Variants in ZNF106 observed in about 807,000 individuals in gnomAD.
ZNF106 encodes zinc finger protein 106, also known as SH3-domain binding protein 3.
ZNF106 carries 67 observed loss-of-function variants against 195.1 expected under a neutral mutation model. The observed-to-expected ratio is 0.34, with a 90% CI of 0.28 to 0.42. The LOEUF (loss-of-function observed/expected upper bound fraction) is 0.42. ZNF106 is among the 10% of genes least tolerant of loss of function. The pLI is 1.00. For synonymous variants in ZNF106, 784 were observed against 818.6 expected, an observed-to-expected ratio of 0.96 and a Z score of 0.72; for missense variants, 2,118 against 2,304.5, an observed-to-expected ratio of 0.92 and a Z score of 1.66.
chr15:42,435,563 A>G, intron 13 of ZNF106, 45 bp from the exon 14 acceptor site: 2 of 1,608,986 alleles, frequency 1.2e-6, no homozygotes, highest in South Asian at 1.1e-5. Flanking sequence ...GAGATATAGG[A>G]GGATTAGATA....
At chr15:42,459,645 T>G (rs897692914) in intron 3 of ZNF106, among the ~76,000 whole-genome samples, 1 of 152,150 alleles carries the variant, frequency 6.6e-6, no homozygotes, top group Non-Finnish European at 1.5e-5. Flanking sequence ...TATATAAATC[T>G]ATCACAATGG....
At chr15:42,442,716 A>G (rs2055602049) in intron 9 of ZNF106, among the ~76,000 whole-genome samples, 1 of 150,818 alleles carries the variant, frequency 6.6e-6, no homozygotes, top group Non-Finnish European at 1.5e-5. Flanking sequence ...TCCTGGACTC[A>G]AGCAATTCTC....
intron 3 of ZNF106, among the ~76,000 whole-genome samples, chr15:42,461,998 T>C (rs902201570): frequency 6.6e-6 from 1 of 152,200 alleles, no homozygotes; most frequent in African/African-American, 2.4e-5. Flanking sequence ...CTCTCTTATA[T>C]GTAACATGAT....
chr15:42,441,048 T>C (rs1452676266), intron 10 of ZNF106, among the ~76,000 whole-genome samples: 1 of 97,278 alleles, frequency 1.0e-5, no homozygotes. Flanking sequence ...TATATATATA[T>C]GCTAAGTCAC....
intron 1 of ZNF106, among the ~76,000 whole-genome samples, chr15:42,487,304 A>T (rs2057038485): frequency 6.6e-6 from 1 of 151,872 alleles, no homozygotes; most frequent in Admixed American, 6.6e-5. Flanking sequence ...TGACACAGTG[A>T]GACCTCCTCT....
Position 42,450,731 on chromosome 15 carries a change from T to C in ZNF106, c.1541A>G (p.Asn514Ser). Residue 514 changes from asparagine to serine, a missense_variant, in exon 5 of 22, where the codon AAC becomes AGC. Transcript: ENST00000564754. Reference sequence around the variant, plus strand: ...ATGGTTATCTTCCACAGTGGGCTTGTTCGAGGGATTTGAGTGTTCTCCAGG... The same window carrying C: ...ATGGTTATCTTCCACAGTGGGCTTGCTCGAGGGATTTGAGTGTTCTCCAGG... ...FSPGEHSNPS[N>S]KPTVEDNHGP... 1 of 1,614,214 alleles carries C rather than the reference T, an allele frequency of 6.2e-7. No individual in the cohort carries two copies. The highest frequency in any genetic ancestry group is 8.5e-7 in the Non-Finnish European group (1 of 1,180,034).
intron 4 of ZNF106, among the ~76,000 whole-genome samples, chr15:42,454,502 G>A (rs1567020859): frequency 6.6e-6 from 1 of 151,874 alleles, no homozygotes; most frequent in East Asian, 1.9e-4. Flanking sequence ...GAAGATAGGA[G>A]CATTCAGCTA....
chr15:42,479,216 A>G (rs1454483241), intron 1 of ZNF106, among the ~76,000 whole-genome samples: 1 of 151,980 alleles, frequency 6.6e-6, no homozygotes, highest in African/African-American at 2.4e-5. Flanking sequence ...TCTACTAAAA[A>G]CACAAAAATT....
In ZNF106 at chr15:42,451,327, G is replaced by A. The variant is rs2056020242; in HGVS notation, c.945C>T (p.Ala315=). 1 of 1,613,820 alleles carries A rather than the reference G, an allele frequency of 6.2e-7. No homozygotes were observed. Among genetic ancestry groups the A allele is most frequent in the Admixed American group, 1.7e-5 (1 of 59,986 alleles). ...RQENDKLGTV[A]TYRGPSEGFT... is the part of the protein sequence containing the mutation. ...ATCCTTCAGAAGGACCTCTATATGT[G>A]GCAACTGTACCAAGTTTGTCATTTT... Residue 315 remains alanine (A), a synonymous_variant, in exon 5 of 22, where the codon GCC becomes GCT. Coordinates refer to ENST00000564754, the MANE Select transcript of ZNF106 (RefSeq NM_001366845.3).
At chr15:42,434,491 T>C (rs1219684784) in intron 14 of ZNF106, among the ~76,000 whole-genome samples, 2 of 152,192 alleles carry the variant, frequency 1.3e-5, no homozygotes, top group Non-Finnish European at 2.9e-5. Flanking sequence ...TTAATACTTA[T>C]TCCCAGTAAA....
At chr15:42,442,007 C>T (rs2055552268) in intron 10 of ZNF106, 66 bp downstream of exon 10, 2 of 1,289,562 alleles carry the variant, frequency 1.6e-6, no homozygotes, top group Non-Finnish European at 2.2e-6. Context: ...TGGCTTATAT[C>T]ACTCATATAA....
In ZNF106 at chr15:42,449,939, C is replaced by T. The variant is rs2055929379; in HGVS notation, c.2333G>A (p.Arg778His). 6.2e-7 allele frequency: 1 copy of T among 1,614,094 alleles called. No homozygotes were observed. The highest frequency in any genetic ancestry group is 8.5e-7 in the Non-Finnish European group (1 of 1,180,006). Residue 778 changes from arginine (R) to histidine (H), a missense_variant, in exon 5 of 22, where the codon CGC becomes CAC. Transcript: ENST00000564754. The stretch of plus-strand genomic sequence containing the variant: ...GTGACCGCTAATATTGCGAATGCGG[C>T]GGGCACTATTGAGGTTTGGCTCAGG... The part of the protein sequence containing the change: ...HLPEPNLNSA[R>H]RIRNISGHRK...
At chr15:42,447,653 A>G (rs2055822614) in intron 6 of ZNF106, among the ~76,000 whole-genome samples, 1 of 152,230 alleles carries the variant, frequency 6.6e-6, no homozygotes, top group Non-Finnish European at 1.5e-5. Flanking sequence ...TATTAAAACC[A>G]TCTTAGTGTT....
At chr15:42,482,247 A>G (rs542750605) in intron 1 of ZNF106, among the ~76,000 whole-genome samples, 1 of 152,280 alleles carries the variant, frequency 6.6e-6, no homozygotes, top group South Asian at 2.1e-4. Flanking sequence ...AAAGTTTAAA[A>G]TCATTTCCTG....
chr15:42,455,645 C>A (rs1318608716), intron 4 of ZNF106, among the ~76,000 whole-genome samples: 2 of 152,170 alleles, frequency 1.3e-5, no homozygotes, highest in South Asian at 2.1e-4. Flanking sequence ...TCTCCTCATG[C>A]ACCAGGACAA....
intron 20 of ZNF106, among the ~76,000 whole-genome samples, chr15:42,418,532 A>ATTTTTTTT (rs1162999546): frequency 1.1e-4 from 11 of 96,226 alleles, no homozygotes; most frequent in African/African-American, 2.6e-4. Flanking sequence ...CGGCCAGTTA[A>ATTTTTTTT]TTTTTTTTTT....
At chr15:42,466,567 T>G (rs1336255132) in intron 2 of ZNF106, among the ~76,000 whole-genome samples, 1 of 152,186 alleles carries the variant, frequency 6.6e-6, no homozygotes, top group South Asian at 2.1e-4. Flanking sequence ...GCCTAGCATA[T>G]AGTCATCAAT....
At chr15:42,421,523 A>G (rs79813505) in intron 19 of ZNF106, among the ~76,000 whole-genome samples, 1 of 152,208 alleles carries the variant, frequency 6.6e-6, no homozygotes, top group Non-Finnish European at 1.5e-5. Flanking sequence ...TAACTTAAAA[A>G]TAAAAAAAAC....
chr15:42,426,997 C>G lies in ZNF106; in HGVS notation c.4998+1021G>C, dbSNP rs562915196. On this transcript the variant is annotated intron_variant, in intron 15 of 21. Transcript: ENST00000564754. ...GCAGAAACCATGACATATTTCAATG[C>G]ACACCTTCTGTTAGTTCCAGCTAGC... Among the ~76,000 whole-genome samples, 6 of 152,278 alleles carry G rather than the reference C, an allele frequency of 3.9e-5. No homozygotes were observed. The East Asian group carries it at 1.2e-3, about 29-fold the overall frequency.
Sources: gnomAD v4.1 joint callset for allele counts (sites outside exome capture counted in the v4.1 genomes callset) on GRCh38, gnomAD v4.1.1 for gene constraint, MANE v1.5 for transcripts, NCBI Gene and HGNC (gene_info 2026-07-23, HGNC 2026-07-21) for gene names.